XIRP2: variants seen among roughly 807,000 people sequenced by gnomAD.
The protein encoded by XIRP2 is xin actin-binding repeat-containing protein 2.
Under a neutral mutation model 277.0 loss-of-function variants are expected in XIRP2, and 236 were observed. That is an observed-to-expected ratio of 0.85 (90% CI 0.77 to 0.95). The LOEUF (loss-of-function observed/expected upper bound fraction) is 0.95, where lower values mean the gene tolerates loss of function less well. XIRP2 is among the 40% of genes least tolerant of loss of function. XIRP2 has a pLI of 0.00. For synonymous variants in XIRP2, 1,490 were observed against 1,416.5 expected (o/e 1.05, Z -1.17); for missense variants, 4,640 against 4,157.5 (o/e 1.12, Z -3.19).
intron 5 of XIRP2, among the ~76,000 whole-genome samples, chr2:167,232,383 A>G (rs761476144): frequency 5.3e-5 from 8 of 151,876 alleles, no homozygotes; most frequent in Non-Finnish European, 1.2e-4. Context: ...CAATACATAC[A>G]GGCTCCTTTT....
chr2:167,245,604 T>C lies in XIRP2; in HGVS notation c.4212T>C (p.His1404=), dbSNP rs1695229098. 1.2e-6 allele frequency: 2 copies of C among 1,613,568 alleles called. No homozygotes were observed. Among genetic ancestry groups the C allele is most frequent in the African/African-American group, 2.7e-5 (2 of 74,912 alleles). Residue 1404 remains histidine, a synonymous_variant, in exon 9 of 11, where the codon CAT becomes CAC. Coordinates refer to ENST00000409195, the MANE Select transcript of XIRP2 (RefSeq NM_152381.6). ...TGGATCAGATTTCTGAAGAATCACA[T>C]AATATTATGCCCAGTATTGACCATA... is the stretch of plus-strand genomic sequence containing the variant. ...QPLDQISEES[H]NIMPSIDHIQ...
rs1321514193 is a variant in XIRP2, at chr2:166,903,866, C to G, written c.384C>G (p.Asn128Lys). Reference protein sequence around the residue: ...RSVFEAPKSGNKPAEYGGKEV... With the variant: ...RSVFEAPKSGKKPAEYGGKEV... ...TGTTTGAGGCTCCTAAGAGTGGAAA[C>G]AAACCAGCTGAGTACGGTGGAAAGG... The change falls in exon 2 of 11, where the codon AAC becomes AAG. Residue 128 changes from asparagine to lysine, a missense_variant. Transcript: ENST00000409195. 1 of 1,613,242 alleles carries G rather than the reference C, an allele frequency of 6.2e-7. No homozygotes were observed. The highest frequency in any genetic ancestry group is 1.3e-5 in the African/African-American group (1 of 74,858).
rs146766698 is a variant in XIRP2 at position 166,928,317 on chromosome 2, G to A, written c.408+24427G>A. Among the ~76,000 whole-genome samples, 242 of 152,250 alleles carry A rather than the reference G, an allele frequency of 1.6e-3. 1 individual carries two copies. Among genetic ancestry groups the A allele is most frequent in the Middle Eastern group, 0.014 (4 of 292 alleles). ...AGCCATAGTCATGTGTTATAAGCCA[G>A]TGAGCACCACTGAGCTCTGAAAAAG... is the stretch of plus-strand genomic sequence containing the variant. On this transcript the variant is annotated intron_variant, in intron 2 of 10. Transcript: ENST00000409195.
chr2:167,146,370 A>G (rs1182280154), intron 3 of XIRP2, among the ~76,000 whole-genome samples: 1 of 151,920 alleles, frequency 6.6e-6, no homozygotes, highest in Non-Finnish European at 1.5e-5. Context: ...GCATGGTGGC[A>G]CATGCCTGTA....
intron 2 of XIRP2, among the ~76,000 whole-genome samples, chr2:167,098,170 A>T (rs1690375260): frequency 6.6e-6 from 1 of 152,188 alleles, no homozygotes; most frequent in Admixed American, 6.5e-5. Context: ...TCTTCCCATC[A>T]CTTTCAAGTA....
At chr2:166,900,763 C>T (rs1684366147) in intron 1 of XIRP2, among the ~76,000 whole-genome samples, 1 of 152,024 alleles carries the variant, frequency 6.6e-6, no homozygotes, top group Non-Finnish European at 1.5e-5. Context: ...GACATCATTG[C>T]CAGAAGGAAG....
At position 167,259,298 on chromosome 2, in the gene XIRP2, C is replaced by T; in HGVS notation, c.*1481C>T. The T allele has an allele frequency of 1.2e-6, 2 of 1,613,074 alleles. No individual in the cohort carries two copies. The highest frequency in any genetic ancestry group is 1.7e-6 in the Non-Finnish European group (2 of 1,179,516). On this transcript the variant is annotated 3_prime_UTR_variant, in exon 11 of 11. Coordinates refer to ENST00000409195, the MANE Select transcript of XIRP2 (RefSeq NM_152381.6). ...GCCTTTGTTTCCCAGAGTGGAGGTG[C>T]AGTCAGAACAACTCACGGTGGAAGA...
At chr2:167,206,304 C>T (rs539313381) in intron 3 of XIRP2, among the ~76,000 whole-genome samples, 12 of 152,180 alleles carry the variant, frequency 7.9e-5, no homozygotes, top group African/African-American at 2.6e-4. Flanking sequence ...ATCTACTTCC[C>T]CATCCTCACA....
At chr2:166,926,140 G>A (rs573930132) in intron 2 of XIRP2, among the ~76,000 whole-genome samples, 1 of 152,044 alleles carries the variant, frequency 6.6e-6, no homozygotes, top group Non-Finnish European at 1.5e-5. Flanking sequence ...GGATTTAGAA[G>A]AATCTTGCTT....
chr2:167,149,139 C>T (rs866148426), intron 3 of XIRP2, among the ~76,000 whole-genome samples: 1 of 152,070 alleles, frequency 6.6e-6, no homozygotes, highest in Non-Finnish European at 1.5e-5. Context: ...CCCAGGAATT[C>T]CTAACTCAAG....
At chr2:167,116,574 A>C (rs191321356) in intron 2 of XIRP2, among the ~76,000 whole-genome samples, 1 of 152,170 alleles carries the variant, frequency 6.6e-6, no homozygotes, top group Admixed American at 6.5e-5. Flanking sequence ...TATGTTGTCA[A>C]CTTTTCCACA....
At position 167,117,927 on chromosome 2, in the gene XIRP2, C is replaced by G. The variant is rs1017023861; in HGVS notation, c.409-17982C>G. Among the ~76,000 whole-genome samples the G allele has an allele frequency of 3.9e-5, 6 of 152,070 alleles. 1 individual carries two copies. Among genetic ancestry groups the G allele is most frequent in the Admixed American group, 3.9e-4 (6 of 15,262 alleles). On this transcript the variant is annotated intron_variant, in intron 2 of 10. Transcript: ENST00000409195. ...CTTTCCGGTAAGTTGTCTCTTATAC[C>G]CTTTGTTCTCAGCTTTGAGATCTGA...
intron 3 of XIRP2, among the ~76,000 whole-genome samples, chr2:167,207,274 TG>T (rs1415371859): frequency 6.6e-6 from 1 of 152,198 alleles, no homozygotes; most frequent in Admixed American, 6.5e-5. Context: ...ATGATCCTTT[TG>T]AAATATTTCT....
chr2:167,221,694 A>C (rs1694438447), intron 5 of XIRP2, among the ~76,000 whole-genome samples: 1 of 152,150 alleles, frequency 6.6e-6, no homozygotes, highest in Admixed American at 6.6e-5. Flanking sequence ...TGGTAAACAC[A>C]GGTAGTTTAT....
In XIRP2 at chr2:166,892,243, A is replaced by G. The variant is rs553996664; in HGVS notation, c.-19+3686A>G. Among the ~76,000 whole-genome samples the G allele has an allele frequency of 3.9e-5, 6 of 152,244 alleles. No individual in the cohort carries two copies. In the South Asian group the frequency reaches 1.2e-3, roughly 32 times the overall value. On this transcript the variant is annotated intron_variant, in intron 1 of 10. Coordinates refer to ENST00000409195, the MANE Select transcript of XIRP2 (RefSeq NM_152381.6). ...ATTAACAAAAATATTTTAGAATTCT[A>G]GTTGGTATTGTACTTGTTGAATTAT...
At chr2:167,218,611 AAT>A (rs1694328244) in intron 5 of XIRP2, among the ~76,000 whole-genome samples, 1 of 152,188 alleles carries the variant, frequency 6.6e-6, no homozygotes, top group African/African-American at 2.4e-5. Context: ...TGTTGAGAGC[AAT>A]GTTTATACTG....
rs759952098 is a variant in XIRP2 at position 167,245,932 on chromosome 2, A to C, written c.4540A>C (p.Lys1514Gln). The C allele has an allele frequency of 1.9e-6, 3 of 1,613,736 alleles. No homozygotes were observed. The highest frequency in any genetic ancestry group is 1.1e-5 in the South Asian group (1 of 91,066). The change falls in exon 9 of 11, where the codon AAG (lysine) becomes CAG (glutamine). Residue 1514 changes from lysine to glutamine, a missense_variant. Lys to Gln is a moderately conservative substitution (Grantham distance 53). Transcript: ENST00000409195. ...ACATAAAGGTATCACAAAAATGACC[A>C]AGGAAGAAATCCCTCCTTCTGATGT... ...EAHKGITKMT[K>Q]EEIPPSDVKT...
intron 2 of XIRP2, among the ~76,000 whole-genome samples, chr2:167,125,568 T>C (rs1264831581): frequency 2.6e-5 from 4 of 152,176 alleles, no homozygotes; most frequent in Non-Finnish European, 5.9e-5. Flanking sequence ...TAAATCTGTT[T>C]AATAAAAAGG....
At position 167,249,299 on chromosome 2, in the gene XIRP2, C is replaced by T; in HGVS notation, c.7907C>T (p.Thr2636Ile). 6.2e-7 allele frequency: 1 copy of T among 1,613,840 alleles called. No individual in the cohort carries two copies. Among genetic ancestry groups the T allele is most frequent in the Non-Finnish European group, 8.5e-7 (1 of 1,179,820 alleles). ...DNQLSTTSPE[T>I]VAAKRLHHVL... is the part of the protein sequence containing the mutation. ...CAACTCTCCACAACATCGCCAGAAA[C>T]AGTCGCTGCCAAGAGGCTCCACCAT... The change falls in exon 9 of 11, where the codon ACA becomes ATA. Residue 2636 changes from threonine (T) to isoleucine (I), a missense_variant. By Grantham distance (89) the Thr-to-Ile change is moderately conservative. Coordinates refer to ENST00000409195, the MANE Select transcript of XIRP2 (RefSeq NM_152381.6).
Sources: gnomAD v4.1 joint callset for allele counts (sites outside exome capture counted in the v4.1 genomes callset) on GRCh38, gnomAD v4.1.1 for gene constraint, MANE v1.5 for transcripts, NCBI Gene and HGNC (gene_info 2026-07-23, HGNC 2026-07-21) for gene names.